Variants in RFTN1 observed in about 807,000 individuals in gnomAD.
RFTN1 encodes raftlin.
Under a neutral mutation model 46.5 loss-of-function variants are expected in RFTN1, and 26 were observed. The observed-to-expected ratio is 0.56, with a 90% CI of 0.41 to 0.78. RFTN1 has a LOEUF of 0.78. Ranked by LOEUF, RFTN1 falls within the 30% of genes least tolerant of loss-of-function variation. RFTN1 has a pLI of 0.00. For missense variants in RFTN1, 693 were observed against 718.7 expected (o/e 0.96, Z 0.41); for synonymous variants, 261 against 284.2 (o/e 0.92, Z 0.82).
Position 16,409,489 on chromosome 3 carries a change from G to C in RFTN1, c.333-6C>G. On this transcript the variant is annotated splice_region_variant and splice_polypyrimidine_tract_variant and intron_variant, in intron 3 of 9. Coordinates refer to ENST00000334133, the MANE Select transcript of RFTN1 (RefSeq NM_015150.2). ...GAAGATCAGTTTTCTGAGATCTGAAGAGAAAGAAAAGCACACACAGAAACA... is the reference window on the plus strand; with the variant it reads ...GAAGATCAGTTTTCTGAGATCTGAACAGAAAGAAAAGCACACACAGAAACA... 2.5e-6 allele frequency: 4 copies of C among 1,576,194 alleles called. No individual in the cohort carries two copies. The highest frequency in any genetic ancestry group is 3.5e-6 in the Non-Finnish European group (4 of 1,145,700).
At chr3:16,331,394 T>A (rs1362457741) in intron 7 of RFTN1, among the ~76,000 whole-genome samples, 1 of 152,250 alleles carries the variant, frequency 6.6e-6, no homozygotes, top group Non-Finnish European at 1.5e-5. Context: ...ATGGTTATTT[T>A]GTAATTTAAA....
rs1184899731 is a variant in RFTN1 at position 16,489,229 on chromosome 3, C to T, written c.145+4496G>A. On this transcript the variant is annotated intron_variant, in intron 2 of 9. Coordinates refer to ENST00000334133, the MANE Select transcript of RFTN1 (RefSeq NM_015150.2). This position sits in a 1 kb window ranked among gnomAD's most constrained non-coding sequence, Gnocchi z 4.0. The stretch of plus-strand genomic sequence containing the variant: ...GATCAGGAGTTCGAGACCAGCCTGG[C>T]CAACATGGCAAAAGCCTGTGTCTAC... Among the ~76,000 whole-genome samples the T allele has an allele frequency of 6.6e-6, 1 of 152,070 alleles. No homozygotes were observed. The highest frequency in any genetic ancestry group is 1.9e-4 in the East Asian group (1 of 5,190).
chr3:16,418,671 C>G lies in RFTN1; in HGVS notation c.333-9188G>C, dbSNP rs78393923. On this transcript the variant is annotated intron_variant, in intron 3 of 9. Transcript: ENST00000334133. The surrounding 1 kb of genome is among the most constrained non-coding windows in gnomAD (Gnocchi z 5.0). ...CCAAGCTCAAATAGAATAATCAGAA[C>G]AGCTTATTTTTTTTTTTTTAAAGAA... 1.4e-5 allele frequency among the ~76,000 whole-genome samples: 2 copies of G among 138,938 alleles called. No individual in the cohort carries two copies. The highest frequency in any genetic ancestry group is 5.4e-5 in the African/African-American group (2 of 36,822). The allele number at this position is 138,938 out of a possible 152,430, so 91.1% of individuals were successfully genotyped here. A position where few individuals can be genotyped will look rare whatever the true frequency, so the allele number is the denominator to read the frequency against.
rs529646365 is a variant in RFTN1 at position 16,412,738 on chromosome 3, A to G, written c.333-3255T>C. Among the ~76,000 whole-genome samples the G allele has an allele frequency of 7.2e-5, 11 of 152,380 alleles. No homozygotes were observed. The East Asian group carries it at 1.7e-3, about 24-fold the overall frequency. ...GTCACTCCTGTGATGGCATTATGTT[A>G]TATGACTCCCTCTGAGCTAGAGAAT... is the stretch of plus-strand genomic sequence containing the variant. On this transcript the variant is annotated intron_variant, in intron 3 of 9. Transcript: ENST00000334133.
At chr3:16,367,089 G>A (rs574010315) in intron 6 of RFTN1, among the ~76,000 whole-genome samples, 2 of 152,358 alleles carry the variant, frequency 1.3e-5, no homozygotes, top group South Asian at 4.1e-4. Flanking sequence ...TTGTTTATGG[G>A]ACACAGTTCT....
At chr3:16,434,741 A>C (rs2075469386) in intron 2 of RFTN1, 1 of 152,236 alleles carries the variant, frequency 6.6e-6, no homozygotes, top group African/African-American at 2.4e-5. Flanking sequence ...GGTGGCAAAA[A>C]GCAGCATAAA....
rs2076132372 is a variant in RFTN1 at position 16,468,070 on chromosome 3, G to A, written c.145+25655C>T. Among the ~76,000 whole-genome samples, 1 of 152,108 alleles carries A rather than the reference G, an allele frequency of 6.6e-6. No individual in the cohort carries two copies. Among genetic ancestry groups the A allele is most frequent in the Non-Finnish European group, 1.5e-5 (1 of 68,018 alleles). On this transcript the variant is annotated intron_variant, in intron 2 of 9. Coordinates refer to ENST00000334133, the MANE Select transcript of RFTN1 (RefSeq NM_015150.2). This position sits in a 1 kb window ranked among gnomAD's most constrained non-coding sequence, Gnocchi z 4.4. ...CAGACTCAAAGACTGGAACATTCAG[G>A]AAGTGCTTACTCAAAACATAGAAAC...
intron 4 of RFTN1, among the ~76,000 whole-genome samples, chr3:16,404,865 A>T (rs985253319): frequency 6.6e-6 from 1 of 152,094 alleles, no homozygotes; most frequent in Non-Finnish European, 1.5e-5. Flanking sequence ...TCCATCATTT[A>T]GCAGTTCCAG....
At chr3:16,435,944 A>C (rs13081498) in intron 2 of RFTN1, among the ~76,000 whole-genome samples, 13 of 131,652 alleles carry the variant, frequency 9.9e-5, no homozygotes, top group East Asian at 4.6e-4. Flanking sequence ...ATATATATAT[A>C]TCACACACAT....
intron 8 of RFTN1, among the ~76,000 whole-genome samples, chr3:16,323,743 T>C (rs1050545613): frequency 1.3e-5 from 2 of 152,190 alleles, no homozygotes; most frequent in Admixed American, 6.5e-5. Flanking sequence ...TGGCCAAATG[T>C]GGACACACTG....
At position 16,363,498 on chromosome 3, in the gene RFTN1, G is replaced by A. The variant is rs1559290878; in HGVS notation, c.1031-5451C>T. On this transcript the variant is annotated intron_variant, in intron 6 of 9. Coordinates refer to ENST00000334133, the MANE Select transcript of RFTN1 (RefSeq NM_015150.2). ...CAAGCTTATGATTTACAAGAAGGAT[G>A]TGGGAAAAGGAGATTTGCCATATTA... is the stretch of plus-strand genomic sequence containing the variant. Among the ~76,000 whole-genome samples, 4 of 152,232 alleles carry A rather than the reference G, an allele frequency of 2.6e-5. 1 individual carries two copies.
At chr3:16,328,973 C>A (rs1320458069) in intron 7 of RFTN1, among the ~76,000 whole-genome samples, 1 of 152,196 alleles carries the variant, frequency 6.6e-6, no homozygotes, top group Non-Finnish European at 1.5e-5. Flanking sequence ...AAGGAAAGTG[C>A]TAAGGTTTGA....
intron 3 of RFTN1, among the ~76,000 whole-genome samples, chr3:16,415,733 C>A (rs1359417403): frequency 6.6e-6 from 1 of 151,652 alleles, no homozygotes; most frequent in Admixed American, 6.6e-5. Context: ...TTCCTGGAAG[C>A]AAGGAAGCAA....
At chr3:16,396,194 C>T (rs1046841457) in intron 4 of RFTN1, among the ~76,000 whole-genome samples, 1 of 152,048 alleles carries the variant, frequency 6.6e-6, no homozygotes, top group East Asian at 1.9e-4. Flanking sequence ...ATCTGATTAA[C>T]AGCTATGGCA....
chr3:16,385,721 C>T lies in RFTN1; in HGVS notation c.442-7619G>A, dbSNP rs2074149738. ...CATGCCCTGACCAGGAGGGCACAGT[C>T]AAAGAGTCAACACGCTGGAGTAGTC... On this transcript the variant is annotated intron_variant, in intron 4 of 9. Transcript: ENST00000334133. This position sits in a 1 kb window ranked among gnomAD's most constrained non-coding sequence, Gnocchi z 5.0. 6.6e-6 allele frequency among the ~76,000 whole-genome samples: 1 copy of T among 152,200 alleles called. No individual in the cohort carries two copies. Among genetic ancestry groups the T allele is most frequent in the Non-Finnish European group, 1.5e-5 (1 of 68,038 alleles).
At position 16,498,859 on chromosome 3, in the gene RFTN1, G is replaced by T. The variant is rs1485366648; in HGVS notation, c.-8-4982C>A. 6.6e-6 allele frequency among the ~76,000 whole-genome samples: 1 copy of T among 152,072 alleles called. No homozygotes were observed. The highest frequency in any genetic ancestry group is 1.5e-5 in the Non-Finnish European group (1 of 68,028). On this transcript the variant is annotated intron_variant, in intron 1 of 9. Transcript: ENST00000334133. This position sits in a 1 kb window ranked among gnomAD's most constrained non-coding sequence, Gnocchi z 5.2. ...GCTCAAAACAAGTCAGAAAAATCTA[G>T]CTTATAAAAAGTAGGAAAAATCAGC...
At chr3:16,323,937 T>TGCA (rs1037219256) in intron 8 of RFTN1, among the ~76,000 whole-genome samples, 17 of 152,296 alleles carry the variant, frequency 1.1e-4, no homozygotes, top group Admixed American at 9.8e-4. Flanking sequence ...CACCAAAGAC[T>TGCA]GCACAGCACC....
At position 16,384,141 on chromosome 3, in the gene RFTN1, CAG is replaced by C. The variant is rs919769405; in HGVS notation, c.442-6041_442-6040del. On this transcript the variant is annotated intron_variant, in intron 4 of 9. Transcript: ENST00000334133. The surrounding 1 kb of genome is among the most constrained non-coding windows in gnomAD (Gnocchi z 4.7). The stretch of plus-strand genomic sequence containing the variant: ...AGAATTCTGCCTCTGGACTGCAACA[CAG>C]AAATTCTCCCTGGGTTTTCTCCCCT... Among the ~76,000 whole-genome samples the C allele has an allele frequency of 6.6e-6, 1 of 152,218 alleles. No individual in the cohort carries two copies. The highest frequency in any genetic ancestry group is 1.5e-5 in the Non-Finnish European group (1 of 68,036).
intron 7 of RFTN1, among the ~76,000 whole-genome samples, chr3:16,330,954 G>A (rs976178646): frequency 2.1e-4 from 32 of 152,212 alleles, no homozygotes; most frequent in African/African-American, 7.2e-4. Context: ...TTTCTCCTGT[G>A]TTTCATCCTG....
Sources: gnomAD v4.1 joint callset for allele counts (sites outside exome capture counted in the v4.1 genomes callset) on GRCh38, gnomAD v4.1.1 for gene constraint, Gnocchi (gnomAD v3.1) non-coding constraint, MANE v1.5 for transcripts, NCBI Gene and HGNC (gene_info 2026-07-23, HGNC 2026-07-21) for gene names.